The following UQCRC1 variants were observed in gnomAD, a reference collection of about 807,000 sequenced individuals.
The protein encoded by UQCRC1 is cytochrome b-c1 complex subunit 1, mitochondrial.
UQCRC1 carries 34 observed loss-of-function variants against 58.0 expected under a neutral mutation model. The ratio of observed to expected loss-of-function variants is 0.59; its 90% CI spans 0.45 to 0.78. The LOEUF (loss-of-function observed/expected upper bound fraction) is 0.78, where lower values mean the gene tolerates loss of function less well. Ranked by LOEUF, UQCRC1 falls within the 30% of genes least tolerant of loss-of-function variation. UQCRC1 has a pLI of 0.00. For missense variants in UQCRC1, 610 were observed against 646.0 expected, an observed-to-expected ratio of 0.94 and a Z score of 0.60; for synonymous variants, 276 against 248.8, an observed-to-expected ratio of 1.11 and a Z score of -1.03.
rs2046447718 is a variant in UQCRC1, at chr3:48,609,626, A to G, written c.-6T>C. 2 of 1,564,172 alleles carry G rather than the reference A, an allele frequency of 1.3e-6. No homozygotes were observed. The highest frequency in any genetic ancestry group is 1.7e-6 in the Non-Finnish European group (2 of 1,158,520). ...CAGACCACGGACGCCGCCATCTTCC[A>G]GCTGCAGTCGGCCCTGTTGCGCCGC... On this transcript the variant is annotated 5_prime_UTR_variant, in exon 1 of 13. Transcript: ENST00000203407.
rs2046364899 is a variant in UQCRC1 at position 48,601,430 on chromosome 3, C to A, written c.744G>T (p.Lys248Asn). 6.2e-7 allele frequency: 1 copy of A among 1,614,194 alleles called. No homozygotes were observed. Among genetic ancestry groups the A allele is most frequent in the Non-Finnish European group, 8.5e-7 (1 of 1,180,040 alleles). ...ATGTCCATGGGATGCCACCGAGGTG[C>A]TTCTGGGCGAGGTCTAACAGTTGCT... ...EHQQLLDLAQ[K>N]HLGGIPWTYA... is the part of the protein sequence containing the mutation. The change falls in exon 7 of 13, where the codon AAG becomes AAT. Residue 248 changes from lysine (K) to asparagine (N), a missense_variant. By Grantham distance (94) the Lys-to-Asn change is moderately conservative. Transcript: ENST00000203407.
intron 2 of UQCRC1, among the ~76,000 whole-genome samples, chr3:48,607,601 C>T (rs555185889): frequency 6.6e-6 from 1 of 151,412 alleles, no homozygotes; most frequent in East Asian, 1.9e-4. Context: ...CTCTGTCACC[C>T]AGGCCAGAGT....
intron 10 of UQCRC1, 113 bp downstream of exon 10, chr3:48,600,369 C>A: frequency 1.5e-6 from 2 of 1,331,812 alleles, no homozygotes; most frequent in Non-Finnish European, 2.1e-6. Flanking sequence ...TGGGGCATGG[C>A]GTGGTCTTCA....
rs772777853 is a variant in UQCRC1, at chr3:48,599,169, A to T, written c.1402T>A (p.Tyr468Asn). 2.2e-5 allele frequency: 36 copies of T among 1,609,808 alleles called. No individual in the cohort carries two copies. Among genetic ancestry groups the T allele is most frequent in the Non-Finnish European group, 2.8e-5 (33 of 1,177,522 alleles). ...AACATGCCGCTACGGATCCGGTTGTAGTCTGGGAGCTGCTCAATGGGGCCT... is the reference window on the plus strand; with the variant it reads ...AACATGCCGCTACGGATCCGGTTGTTGTCTGGGAGCTGCTCAATGGGGCCT... ...GYGPIEQLPD[Y>N]NRIRSGMFWL... Residue 468 changes from tyrosine to asparagine, a missense_variant, in exon 13 of 13, where the codon TAC (tyrosine) becomes AAC (asparagine). Transcript: ENST00000203407.
intron 10 of UQCRC1, 144 bp downstream of exon 10, chr3:48,600,338 G>A (rs2046352464): frequency 3.6e-6 from 4 of 1,114,510 alleles, no homozygotes; most frequent in Middle Eastern, 2.0e-4. Flanking sequence ...ACACCTGCCT[G>A]CATCTCCAAG....
In UQCRC1 at chr3:48,601,415, G is replaced by A; in HGVS notation, c.759C>T (p.Ile253=). 1 of 1,614,216 alleles carries A rather than the reference G, an allele frequency of 6.2e-7. No individual in the cohort carries two copies. Among genetic ancestry groups the A allele is most frequent in the Non-Finnish European group, 8.5e-7 (1 of 1,180,050 alleles). ...CAGCGTCCTCTGCATATGTCCATGG[G>A]ATGCCACCGAGGTGCTTCTGGGCGA... ...LDLAQKHLGG[I]PWTYAEDAVP... Residue 253 remains isoleucine, a synonymous_variant, in exon 7 of 13, where the codon ATC becomes ATT. Coordinates refer to ENST00000203407, the MANE Select transcript of UQCRC1 (RefSeq NM_003365.3).
In UQCRC1 at chr3:48,609,316, C is replaced by A; in HGVS notation, c.70-14G>T. The A allele has an allele frequency of 6.3e-7, 1 of 1,598,852 alleles. No individual in the cohort carries two copies. Among genetic ancestry groups the A allele is most frequent in the African/African-American group, 1.3e-5 (1 of 74,794 alleles). On this transcript the variant is annotated splice_polypyrimidine_tract_variant and intron_variant, in intron 1 of 12. Coordinates refer to ENST00000203407, the MANE Select transcript of UQCRC1 (RefSeq NM_003365.3). ...CAGCAGGGCCGGCTGTGGAAGGGAA[C>A]AGCCGCGAGTGAGGACTCGGTCAGG... is the stretch of plus-strand genomic sequence containing the variant.
intron 12 of UQCRC1, 31 bp downstream of exon 12, chr3:48,599,603 TA>T: frequency 6.2e-7 from 1 of 1,611,488 alleles, no homozygotes; most frequent in Non-Finnish European, 8.5e-7. Flanking sequence ...CCTGAGGAAA[TA>T]AACAAAGAGC....
rs930502020 is a variant in UQCRC1 at position 48,599,312 on chromosome 3, A to T, written c.1379-120T>A. On this transcript the variant is annotated intron_variant, in intron 12 of 12. Transcript: ENST00000203407. ...GCAGCACAAGACAGGCTTTGAGTGG[A>T]AAGAGAGGAGAGAACATTCCCCCAG... 3.7e-5 allele frequency: 44 copies of T among 1,194,402 alleles called. 1 individual carries two copies. The South Asian group carries it at 5.4e-4, about 15-fold the overall frequency. The allele number at this position is 1,194,402 out of a possible 1,614,324, so 74.0% of individuals were successfully genotyped here.
At chr3:48,604,083 C>CACTGGACCACATGGATACAGAA in intron 5 of UQCRC1, 150 bp downstream of exon 5, 1 of 826,162 alleles carries the variant, frequency 1.2e-6, no homozygotes, top group East Asian at 2.5e-5. Context: ...AAAAAAGACT[C>CACTGGACCACATGGATACAGAA]ACTGGACCAC....
chr3:48,606,575 T>C (rs1193989047), intron 2 of UQCRC1, among the ~76,000 whole-genome samples: 1 of 152,028 alleles, frequency 6.6e-6, no homozygotes, highest in Non-Finnish European at 1.5e-5. Context: ...AGTGAAACCC[T>C]GTCTCTACTA....
At chr3:48,609,417 C>G in intron 1 of UQCRC1, 115 bp from the exon 2 acceptor site, 1 of 1,511,512 alleles carries the variant, frequency 6.6e-7, no homozygotes, top group Non-Finnish European at 8.9e-7. Flanking sequence ...GATACCTTTC[C>G]CCGCCCTCCG....
chr3:48,607,199 G>A (rs974937217), intron 2 of UQCRC1, among the ~76,000 whole-genome samples: 11 of 152,216 alleles, frequency 7.2e-5, no homozygotes, highest in Non-Finnish European at 1.6e-4. Flanking sequence ...CCGCCACCAC[G>A]CCCGGCTAAT....
intron 12 of UQCRC1, chr3:48,599,430 G>C (rs2046341367): frequency 1.4e-6 from 1 of 691,012 alleles, no homozygotes; most frequent in African/African-American, 1.8e-5. Context: ...TATTGATGAA[G>C]GCACCTTGGC....
At chr3:48,606,325 C>G (rs1247808076) in intron 2 of UQCRC1, among the ~76,000 whole-genome samples, 1 of 152,184 alleles carries the variant, frequency 6.6e-6, no homozygotes, top group Non-Finnish European at 1.5e-5. Context: ...TATATTTTAT[C>G]ACACTAAATA....
intron 11 of UQCRC1, 63 bp downstream of exon 11, chr3:48,600,000 C>T (rs753166291): frequency 2.0e-4 from 324 of 1,600,408 alleles, no homozygotes; most frequent in Non-Finnish European, 2.6e-4. Flanking sequence ...AGGCCCCAAC[C>T]CTACACCTCC....
Position 48,600,857 on chromosome 3 carries a change from T to C in UQCRC1, c.967-17A>G, listed in dbSNP as rs1293823561. ...GGACAGGTGCTGCCAGGGGGATAGG[T>C]GGTCAGCACCCACCCTCTTGTCTTC... is the stretch of plus-strand genomic sequence containing the variant. On this transcript the variant is annotated splice_polypyrimidine_tract_variant and intron_variant, in intron 8 of 12. Coordinates refer to ENST00000203407, the MANE Select transcript of UQCRC1 (RefSeq NM_003365.3). 6 of 1,613,354 alleles carry C rather than the reference T, an allele frequency of 3.7e-6. No homozygotes were observed. Among genetic ancestry groups the C allele is most frequent in the South Asian group, 2.2e-5 (2 of 91,092 alleles).
intron 2 of UQCRC1, among the ~76,000 whole-genome samples, chr3:48,607,603 G>GGCCAGAGT (rs1227947245): frequency 6.6e-6 from 1 of 150,544 alleles, no homozygotes; most frequent in Non-Finnish European, 1.5e-5. Flanking sequence ...CTGTCACCCA[G>GGCCAGAGT]GCCAGAGTAC....
At chr3:48,600,253 C>A in intron 10 of UQCRC1, 102 bp from the exon 11 acceptor site, 1 of 1,289,764 alleles carries the variant, frequency 7.8e-7, no homozygotes, top group East Asian at 2.4e-5. Flanking sequence ...CCTCCCTGAC[C>A]TCATGCTGAC....
Sources: gnomAD v4.1 joint callset for allele counts (sites outside exome capture counted in the v4.1 genomes callset) on GRCh38, gnomAD v4.1.1 for gene constraint, MANE v1.5 for transcripts, NCBI Gene and HGNC (gene_info 2026-07-23, HGNC 2026-07-21) for gene names.